Variants in ADAM28 observed in about 807,000 individuals in gnomAD.
The protein encoded by ADAM28 is ADAM metallopeptidase domain 28.
A neutral mutation model predicts 101.2 loss-of-function variants in ADAM28; 105 were observed. The ratio of observed to expected loss-of-function variants is 1.04; its 90% CI spans 0.89 to 1.22. The LOEUF (loss-of-function observed/expected upper bound fraction) is 1.22. ADAM28 is among the 50% of genes most tolerant of loss of function. ADAM28 has a pLI of 0.00. For synonymous variants in ADAM28, 322 were observed against 310.6 expected (o/e 1.04, Z -0.39); for missense variants, 1,028 against 945.4 (o/e 1.09, Z -1.15).
chr8:24,317,579 T>C (rs544250981), intron 6 of ADAM28, among the ~76,000 whole-genome samples: 1 of 151,942 alleles, frequency 6.6e-6, no homozygotes, highest in East Asian at 1.9e-4. Flanking sequence ...ACCATAAAAC[T>C]CCTAAAAGAA....
At chr8:24,298,274 A>C (rs1325947427) in intron 1 of ADAM28, among the ~76,000 whole-genome samples, 3 of 152,182 alleles carry the variant, frequency 2.0e-5, no homozygotes, top group Admixed American at 6.5e-5. Context: ...TACACCACTG[A>C]AAGAAAAGAT....
Position 24,331,295 on chromosome 8 carries a change from A to G in ADAM28, c.1249A>G (p.Met417Val). The G allele has an allele frequency of 6.2e-7, 1 of 1,612,152 alleles. No homozygotes were observed. Among genetic ancestry groups the G allele is most frequent in the Admixed American group, 1.7e-5 (1 of 59,728 alleles). ...AATTTGTGGGAACCAGTTGGTGGAA[A>G]TGGGAGAGGACTGTGATTGTGGGAC... The part of the protein sequence containing the change: ...TPICGNQLVE[M>V]GEDCDCGTSE... Residue 417 changes from methionine (M) to valine (V), a missense_variant, in exon 12 of 23, where the codon ATG (methionine) becomes GTG (valine). Coordinates refer to ENST00000265769, the MANE Select transcript of ADAM28 (RefSeq NM_014265.6).
chr8:24,306,919 G>A (rs1331348911), intron 2 of ADAM28, among the ~76,000 whole-genome samples: 1 of 152,118 alleles, frequency 6.6e-6, no homozygotes, highest in Non-Finnish European at 1.5e-5. Context: ...CTTGGGTTCT[G>A]CCATATCACA....
chr8:24,341,960 C>T (rs1473209492), intron 16 of ADAM28, among the ~76,000 whole-genome samples: 1 of 152,138 alleles, frequency 6.6e-6, no homozygotes, highest in Non-Finnish European at 1.5e-5. Context: ...TAAGCACTGA[C>T]ATTAACATTC....
At chr8:24,344,075 G>C (rs1815121160) in intron 18 of ADAM28, among the ~76,000 whole-genome samples, 1 of 152,156 alleles carries the variant, frequency 6.6e-6, no homozygotes, top group African/African-American at 2.4e-5. Context: ...GGTAGAGCTG[G>C]ATTAGTTCAC....
At chr8:24,344,256 C>T (rs1195260823) in intron 18 of ADAM28, among the ~76,000 whole-genome samples, 1 of 147,058 alleles carries the variant, frequency 6.8e-6, no homozygotes, top group Non-Finnish European at 1.5e-5. Context: ...AACATTTTAC[C>T]CTGAGGAGGG....
chr8:24,299,931 T>C, intron 1 of ADAM28, 43 bp from the exon 2 acceptor site: 1 of 1,511,642 alleles, frequency 6.6e-7, no homozygotes, highest in Non-Finnish European at 9.0e-7. Context: ...CCAGCCTACT[T>C]CAGTTCTACC....
Position 24,354,699 on chromosome 8 carries a change from C to T in ADAM28, c.*295C>T. The T allele has an allele frequency of 4.1e-6, 1 of 245,434 alleles. No individual in the cohort carries two copies. The highest frequency in any genetic ancestry group is 7.8e-6 in the Non-Finnish European group (1 of 128,100). The allele number at this position is 245,434 out of a possible 1,614,324, so 15.2% of individuals were successfully genotyped here. On this transcript the variant is annotated 3_prime_UTR_variant, in exon 23 of 23. Transcript: ENST00000265769. ...TCTGTAATAGGAATTGATTCATTCT[C>T]TAATGAAAACAAAACATAAAAACAT...
chr8:24,331,386 A>G, intron 12 of ADAM28, 59 bp downstream of exon 12: 1 of 1,493,620 alleles, frequency 6.7e-7, no homozygotes, highest in African/African-American at 1.4e-5. Flanking sequence ...AAGAAGATCA[A>G]CTACAAAATA....
At chr8:24,310,134 C>G (rs371552776) in intron 3 of ADAM28, 29 bp from the exon 4 acceptor site, 6 of 1,608,034 alleles carry the variant, frequency 3.7e-6, no homozygotes, top group Non-Finnish European at 5.1e-6. Flanking sequence ...GCACAAGTAA[C>G]CACAACATTT....
At chr8:24,340,548 C>T (rs936535366) in intron 15 of ADAM28, among the ~76,000 whole-genome samples, 10 of 152,088 alleles carry the variant, frequency 6.6e-5, no homozygotes, top group African/African-American at 2.4e-4. Flanking sequence ...ACAACAGTGT[C>T]CCATATAACT....
intron 6 of ADAM28, among the ~76,000 whole-genome samples, chr8:24,317,900 A>G (rs1047408774): frequency 6.6e-6 from 1 of 151,990 alleles, no homozygotes; most frequent in Non-Finnish European, 1.5e-5. Context: ...TCTAGGGTAC[A>G]ATATGAGGAC....
At chr8:24,298,168 A>T (rs939999412) in intron 1 of ADAM28, among the ~76,000 whole-genome samples, 3 of 152,164 alleles carry the variant, frequency 2.0e-5, no homozygotes, top group Non-Finnish European at 2.9e-5. Flanking sequence ...CTTTTTTCAA[A>T]CTATTTAAAG....
chr8:24,318,360 A>G (rs1252288398), intron 6 of ADAM28, among the ~76,000 whole-genome samples: 1 of 151,798 alleles, frequency 6.6e-6, no homozygotes, highest in Non-Finnish European at 1.5e-5. Context: ...CCTTACTCTG[A>G]TTGACTGGTA....
chr8:24,345,321 T>G (rs1198343899), intron 18 of ADAM28, among the ~76,000 whole-genome samples: 1 of 152,062 alleles, frequency 6.6e-6, no homozygotes, highest in African/African-American at 2.4e-5. Flanking sequence ...GATTTAGAAA[T>G]GTAAATTATT....
chr8:24,346,090 A>T (rs1377854192), intron 18 of ADAM28, among the ~76,000 whole-genome samples: 1 of 152,084 alleles, frequency 6.6e-6, no homozygotes, highest in Non-Finnish European at 1.5e-5. Flanking sequence ...AAGAGGACAG[A>T]CCCTAGAGGA....
Position 24,313,373 on chromosome 8 carries a change from C to T in ADAM28, c.384-15C>T, listed in dbSNP as rs1474028077. On this transcript the variant is annotated splice_polypyrimidine_tract_variant and intron_variant, in intron 5 of 22. Transcript: ENST00000265769. ...CAATATTTGTTAAGAAGCCAGAACT[C>T]TCATGTTTTTTCAGGGGCTACTTCA... 1.9e-6 allele frequency: 3 copies of T among 1,597,662 alleles called. No individual in the cohort carries two copies. The highest frequency in any genetic ancestry group is 1.3e-5 in the African/African-American group (1 of 74,312).
Position 24,341,309 on chromosome 8 carries a change from C to A in ADAM28, c.1671-289C>A, listed in dbSNP as rs140874905. ...AAGATAATTCCTCATTTAAGGCCAC[C>A]TTCTAGAATTTGTGCTTAAGATTCT... is the stretch of plus-strand genomic sequence containing the variant. On this transcript the variant is annotated intron_variant, in intron 15 of 22. Coordinates refer to ENST00000265769, the MANE Select transcript of ADAM28 (RefSeq NM_014265.6). 1.2e-3 allele frequency: 337 copies of A among 285,870 alleles called. 2 individuals are homozygous for A. The highest frequency in any genetic ancestry group is 6.8e-3 in the African/African-American group (308 of 45,548). The allele number at this position is 285,870 out of a possible 1,614,324, so 17.7% of individuals were successfully genotyped here.
chr8:24,328,993 G>A (rs539209093), intron 10 of ADAM28, among the ~76,000 whole-genome samples: 12 of 151,702 alleles, frequency 7.9e-5, no homozygotes, highest in Admixed American at 7.9e-4. Flanking sequence ...GGTCATTCGA[G>A]GGCAAAAATC....
Sources: gnomAD v4.1 joint callset for allele counts (sites outside exome capture counted in the v4.1 genomes callset) on GRCh38, gnomAD v4.1.1 for gene constraint, MANE v1.5 for transcripts, NCBI Gene and HGNC (gene_info 2026-07-23, HGNC 2026-07-21) for gene names.